MKX: variants seen among roughly 807,000 people sequenced by gnomAD.
MKX encodes the protein homeobox protein Mohawk.
Under a neutral mutation model 36.0 loss-of-function variants are expected in MKX, and 13 were observed. The ratio of observed to expected loss-of-function variants is 0.36; its 90% CI spans 0.24 to 0.57. MKX has a LOEUF of 0.57. Among genes scored for constraint, MKX ranks in the 20% least tolerant of loss-of-function variants. The probability of loss-of-function intolerance (pLI) is 0.79; values close to 1 mark genes in which losing one functional copy is unlikely to be tolerated. For synonymous variants in MKX, 176 were observed against 178.3 expected (o/e 0.99, Z 0.10); for missense variants, 458 against 456.4 (o/e 1.00, Z -0.03).
intron 5 of MKX, among the ~76,000 whole-genome samples, chr10:27,703,139 A>G (rs1303970522): frequency 1.3e-5 from 2 of 152,178 alleles, no homozygotes; most frequent in Non-Finnish European, 2.9e-5. Context: ...AGGGAAGTCC[A>G]GTTTTTTAAT....
At chr10:27,719,661 A>G (rs1427315697) in intron 5 of MKX, among the ~76,000 whole-genome samples, 1 of 152,144 alleles carries the variant, frequency 6.6e-6, no homozygotes, top group African/African-American at 2.4e-5. Context: ...ATAAGACACC[A>G]AACTTAAAAG....
chr10:27,676,797 A>C (rs756855802), intron 5 of MKX, among the ~76,000 whole-genome samples: 16 of 152,344 alleles, frequency 1.1e-4, no homozygotes, highest in Admixed American at 4.6e-4. Context: ...TATTAGAAGA[A>C]GCAGGCATTG....
chr10:27,722,258 C>T (rs979089791), intron 5 of MKX, among the ~76,000 whole-genome samples: 5 of 152,192 alleles, frequency 3.3e-5, no homozygotes, highest in African/African-American at 9.7e-5. Context: ...GAGTCCTTTA[C>T]CTGTCACCAG....
chr10:27,705,796 A>T (rs1836737820), intron 5 of MKX, among the ~76,000 whole-genome samples: 1 of 152,242 alleles, frequency 6.6e-6, no homozygotes. Context: ...ATCAAAGACA[A>T]ATAATTCTAG....
At chr10:27,704,846 G>A (rs1376266563) in intron 5 of MKX, among the ~76,000 whole-genome samples, 1 of 152,010 alleles carries the variant, frequency 6.6e-6, no homozygotes, top group Non-Finnish European at 1.5e-5. Flanking sequence ...AATAATCAGT[G>A]TAATTACATT....
chr10:27,708,876 G>A (rs2451922), intron 5 of MKX, among the ~76,000 whole-genome samples: 140,302 of 152,294 alleles, frequency 0.92, 64,638 homozygotes, highest in East Asian at 1. Flanking sequence ...ACAATAAAAA[G>A]CAGCAATACC....
At chr10:27,739,771 A>G (rs10826346) in intron 3 of MKX, among the ~76,000 whole-genome samples, 11,852 of 152,196 alleles carry the variant, frequency 0.078, 1,093 homozygotes, top group African/African-American at 0.21. Flanking sequence ...TAATCAGCCA[A>G]AATAACCTAG....
chr10:27,686,081 AAAGCCTGGTGAAGATC>A (rs1836342810), intron 5 of MKX, among the ~76,000 whole-genome samples: 1 of 152,174 alleles, frequency 6.6e-6, no homozygotes, highest in Non-Finnish European at 1.5e-5. Context: ...GACTGCAACT[AAAGCCTGGTGAAGATC>A]AAGGCTACTG....
At chr10:27,733,698 T>C (rs375127359) in intron 5 of MKX, among the ~76,000 whole-genome samples, 76 of 152,368 alleles carry the variant, frequency 5.0e-4, no homozygotes, top group African/African-American at 1.8e-3. Context: ...TGCATATTCC[T>C]TGTTCCAAAG....
intron 5 of MKX, among the ~76,000 whole-genome samples, chr10:27,728,778 A>G (rs946501458): frequency 1.8e-4 from 28 of 152,336 alleles, no homozygotes; most frequent in African/African-American, 6.7e-4. Flanking sequence ...AGTGTGCAGG[A>G]AGAGAGAGAA....
intron 5 of MKX, among the ~76,000 whole-genome samples, chr10:27,732,153 T>C (rs1834645272): frequency 6.6e-6 from 1 of 152,228 alleles, no homozygotes; most frequent in African/African-American, 2.4e-5. Context: ...AGTCTTAATC[T>C]GATTTGAGAG....
At chr10:27,701,235 C>T (rs1294161719) in intron 5 of MKX, among the ~76,000 whole-genome samples, 1 of 151,786 alleles carries the variant, frequency 6.6e-6, no homozygotes, top group Admixed American at 6.6e-5. Flanking sequence ...TGCTACGTAA[C>T]GTTTTAATAA....
rs187543658 is a variant in MKX, at chr10:27,675,786, C to A, written c.839-232G>T. Among the ~76,000 whole-genome samples the A allele has an allele frequency of 5.1e-3, 779 of 152,320 alleles. 4 individuals are homozygous for A. Among genetic ancestry groups the A allele is most frequent in the Non-Finnish European group, 8.0e-3 (542 of 68,026 alleles). ...GAATAAAAGGTAGCTCTCATAGATA[C>A]ACAAAAATCTGAAGTTATTTACTCT... On this transcript the variant is annotated intron_variant, in intron 5 of 6. Transcript: ENST00000419761.
chr10:27,686,438 GA>G (rs1564345429), intron 5 of MKX, among the ~76,000 whole-genome samples: 77 of 145,508 alleles, frequency 5.3e-4, no homozygotes, highest in African/African-American at 1.9e-3. Flanking sequence ...AGGAAGGAAG[GA>G]AGGAAGGAAA....
intron 5 of MKX, among the ~76,000 whole-genome samples, chr10:27,729,340 C>T (rs1834569317): frequency 7.5e-6 from 1 of 133,030 alleles, no homozygotes; most frequent in Admixed American, 9.0e-5. Flanking sequence ...ATTGCCCAGA[C>T]TGGAGTGCAG....
chr10:27,700,005 G>A (rs1378872875), intron 5 of MKX, among the ~76,000 whole-genome samples: 1 of 152,096 alleles, frequency 6.6e-6, no homozygotes, highest in African/African-American at 2.4e-5. Context: ...TCATCTGCCC[G>A]CAGATAAATA....
intron 5 of MKX, among the ~76,000 whole-genome samples, chr10:27,704,758 A>C (rs1183245572): frequency 1.3e-5 from 2 of 152,206 alleles, no homozygotes; most frequent in African/African-American, 4.8e-5. Context: ...AAATCCTTGA[A>C]GAAAACTTGC....
chr10:27,745,070 G>T (rs982743412), intron 1 of MKX: 1 of 152,236 alleles, frequency 6.6e-6, no homozygotes, highest in African/African-American at 2.4e-5. Context: ...CATGCCCTTA[G>T]GGATGTGTGT....
At chr10:27,708,885 C>T (rs1404418353) in intron 5 of MKX, among the ~76,000 whole-genome samples, 1 of 151,970 alleles carries the variant, frequency 6.6e-6, no homozygotes, top group East Asian at 1.9e-4. Flanking sequence ...AGCAGCAATA[C>T]CGGTTGGGTG....
Sources: gnomAD v4.1 joint callset for allele counts (sites outside exome capture counted in the v4.1 genomes callset) on GRCh38, gnomAD v4.1.1 for gene constraint, MANE v1.5 for transcripts, NCBI Gene and HGNC (gene_info 2026-07-23, HGNC 2026-07-21) for gene names.